ATP2B2: variants seen among roughly 807,000 people sequenced by gnomAD.
ATP2B2 encodes ATPase plasma membrane Ca2+ transporting 2.
In ATP2B2, 15 loss-of-function variants were observed where a neutral mutation model predicts 120.0. That is an observed-to-expected ratio of 0.12 (90% CI 0.08 to 0.19). The LOEUF (loss-of-function observed/expected upper bound fraction) is 0.19. Ranked by LOEUF, ATP2B2 falls within the 10% of genes least tolerant of loss-of-function variation. ATP2B2 has a pLI of 1.00. For missense variants in ATP2B2, 1,045 were observed against 1,719.8 expected (o/e 0.61, Z 6.94); for synonymous variants, 694 against 700.3 (o/e 0.99, Z 0.14).
intron 2 of ATP2B2, among the ~76,000 whole-genome samples, chr3:10,617,167 T>C (rs1222036220): frequency 6.6e-6 from 1 of 152,228 alleles, no homozygotes; most frequent in Non-Finnish European, 1.5e-5. Flanking sequence ...TCAATCTTTG[T>C]ATACATTTTG....
chr3:10,350,291 G>A (rs1037658684), intron 15 of ATP2B2, 92 bp from the exon 16 acceptor site: 10 of 1,582,650 alleles, frequency 6.3e-6, no homozygotes, highest in Non-Finnish European at 8.6e-6. Flanking sequence ...GAGTCACTGG[G>A]CTCTTAGCAG....
intron 1 of ATP2B2, among the ~76,000 whole-genome samples, chr3:10,502,943 C>T (rs960901319): frequency 6.6e-6 from 1 of 152,202 alleles, no homozygotes; most frequent in African/African-American, 2.4e-5. Flanking sequence ...CACAGCTTCA[C>T]CTCTCTAGAT....
chr3:10,491,523 G>C (rs1193614807), intron 1 of ATP2B2, among the ~76,000 whole-genome samples: 1 of 152,126 alleles, frequency 6.6e-6, no homozygotes, highest in African/African-American at 2.4e-5. Context: ...AATGCGCCTG[G>C]CCTGGCTCTT....
intron 1 of ATP2B2, among the ~76,000 whole-genome samples, chr3:10,660,996 C>A (rs545777380): frequency 6.6e-6 from 1 of 152,252 alleles, no homozygotes; most frequent in African/African-American, 2.4e-5. Context: ...AAGACAAAAA[C>A]CACATGATTA....
At chr3:10,528,384 G>T (rs1038307335) in intron 3 of ATP2B2, among the ~76,000 whole-genome samples, 3 of 152,216 alleles carry the variant, frequency 2.0e-5, no homozygotes, top group South Asian at 4.1e-4. Flanking sequence ...GGACTAAGGG[G>T]AAAAAAGGGT....
chr3:10,655,218 T>C (rs1429100784), intron 1 of ATP2B2, among the ~76,000 whole-genome samples: 3 of 152,210 alleles, frequency 2.0e-5, no homozygotes, highest in Non-Finnish European at 4.4e-5. Flanking sequence ...AATCCCTCTG[T>C]CGCTTAACTC....
At chr3:10,625,002 CG>C (rs1431526656) in intron 1 of ATP2B2, among the ~76,000 whole-genome samples, 2 of 152,128 alleles carry the variant, frequency 1.3e-5, no homozygotes, top group Non-Finnish European at 2.9e-5. Context: ...ACAGAGCTGG[CG>C]GCAGCTTTGG....
chr3:10,450,932 C>T (rs965769539), intron 1 of ATP2B2, among the ~76,000 whole-genome samples: 36 of 152,166 alleles, frequency 2.4e-4, no homozygotes, highest in African/African-American at 8.0e-4. Flanking sequence ...GGCCCTGCCC[C>T]GCAGTCATGG....
At chr3:10,657,337 T>G (rs1216026267) in intron 1 of ATP2B2, among the ~76,000 whole-genome samples, 1 of 152,224 alleles carries the variant, frequency 6.6e-6, no homozygotes, top group African/African-American at 2.4e-5. Flanking sequence ...TGAGCTTCCC[T>G]GAGCTACACA....
At chr3:10,509,317 C>T (rs976369242), upstream of ATP2B2, among the ~76,000 whole-genome samples, 4 of 152,126 alleles carry the variant, frequency 2.6e-5, no homozygotes, top group Non-Finnish European at 4.4e-5. Flanking sequence ...TTGCCTGGCT[C>T]GGGGTCTGTA....
Position 10,694,483 on chromosome 3 carries a change from T to C in ATP2B2, c.-460+13432A>G, listed in dbSNP as rs193241140. Among the ~76,000 whole-genome samples, 457 of 152,354 alleles carry C rather than the reference T, an allele frequency of 3.0e-3. 1 individual carries two copies. The highest frequency in any genetic ancestry group is 5.5e-3 in the Admixed American group (84 of 15,306). On this transcript the variant is annotated intron_variant, in intron 1 of 21. Transcript: ENST00000646379. ...TCATTCAGGTTGTTGTGTGTATCAA[T>C]AGTTTGTTCCTTCTTATTGCTGAGT...
At chr3:10,662,105 T>C (rs1307491946) in intron 1 of ATP2B2, among the ~76,000 whole-genome samples, 1 of 152,182 alleles carries the variant, frequency 6.6e-6, no homozygotes, top group South Asian at 2.1e-4. Flanking sequence ...TAAATCAAGA[T>C]GGAATAAAGA....
intron 3 of ATP2B2, among the ~76,000 whole-genome samples, chr3:10,403,681 C>G (rs1317498932): frequency 6.6e-6 from 1 of 152,228 alleles, no homozygotes; most frequent in African/African-American, 2.4e-5. Flanking sequence ...CAGAGCAGTT[C>G]CCCTCCACGG....
At chr3:10,525,288 T>G (rs1469325448) in intron 3 of ATP2B2, among the ~76,000 whole-genome samples, 1 of 152,238 alleles carries the variant, frequency 6.6e-6, no homozygotes, top group Admixed American at 6.5e-5. Context: ...AGTCCACTGC[T>G]GCTGTGGGGC....
intron 22 of ATP2B2, chr3:10,331,949 A>AT (rs2059992100): frequency 1.3e-6 from 2 of 1,541,170 alleles, no homozygotes; most frequent in African/African-American, 2.7e-5. Flanking sequence ...ATTGATTCAC[A>AT]TTCATTTCAG....
At chr3:10,608,004 C>G (rs1457057001) in intron 2 of ATP2B2, among the ~76,000 whole-genome samples, 1 of 152,228 alleles carries the variant, frequency 6.6e-6, no homozygotes. Context: ...GCATCACCCA[C>G]CCAGGCCTCA....
At chr3:10,436,713 TCCACTATGCTGC>T (rs1473360203) in intron 2 of ATP2B2, among the ~76,000 whole-genome samples, 1 of 152,196 alleles carries the variant, frequency 6.6e-6, no homozygotes, top group African/African-American at 2.4e-5. Context: ...CCCTCTTGCC[TCCACTATGCTGC>T]CCAGTCAGCT....
intron 1 of ATP2B2, among the ~76,000 whole-genome samples, chr3:10,627,512 T>C (rs2069737421): frequency 6.6e-6 from 1 of 152,130 alleles, no homozygotes; most frequent in Non-Finnish European, 1.5e-5. Context: ...CTCCTGCCAC[T>C]TCTTAGCTAT....
intron 2 of ATP2B2, among the ~76,000 whole-genome samples, chr3:10,608,377 T>C (rs1367516041): frequency 6.6e-6 from 1 of 152,204 alleles, no homozygotes; most frequent in Non-Finnish European, 1.5e-5. Flanking sequence ...TGAGCAATGA[T>C]TGTGCCACTG....
Sources: gnomAD v4.1 joint callset for allele counts (sites outside exome capture counted in the v4.1 genomes callset) on GRCh38, gnomAD v4.1.1 for gene constraint, MANE v1.5 for transcripts, NCBI Gene and HGNC (gene_info 2026-07-23, HGNC 2026-07-21) for gene names.